Variants in PCDH11X observed in about 807,000 individuals in gnomAD.
PCDH11X encodes protocadherin-11 X-linked.
PCDH11X carries 18 observed loss-of-function variants against 53.3 expected under a neutral mutation model. The observed-to-expected ratio is 0.34, with a 90% CI of 0.23 to 0.50. The LOEUF is 0.50. Ranked by LOEUF, PCDH11X falls within the 20% of genes least tolerant of loss-of-function variation. The probability of loss-of-function intolerance (pLI) is 0.98; values close to 1 mark genes in which losing one functional copy is unlikely to be tolerated. For missense variants in PCDH11X, 570 were observed against 1,032.4 expected (o/e 0.55, Z 6.14); for synonymous variants, 279 against 393.3 (o/e 0.71, Z 3.44).
intron 3 of PCDH11X, 74 bp from the exon 4 acceptor site, chrX:91,811,163 T>C: frequency 9.9e-7 from 1 of 1,005,925 alleles, no homozygotes; most frequent in Non-Finnish European, 1.3e-6. Flanking sequence ...TTCATTTAAG[T>C]TTAAACTGAT....
intron 6 of PCDH11X, among the ~76,000 whole-genome samples, chrX:92,154,603 G>A (rs1275880849): frequency 3.7e-5 from 4 of 108,658 alleles, no homozygotes; most frequent in East Asian, 2.9e-4. Flanking sequence ...ATAAAAACCC[G>A]AGACCCTAGT....
chrX:92,588,237 A>C (rs1460194785), intron 10 of PCDH11X, among the ~76,000 whole-genome samples: 4 of 92,205 alleles, frequency 4.3e-5, no homozygotes, highest in Non-Finnish European at 8.5e-5. Flanking sequence ...AAAAATATAT[A>C]TTTAAAATAA....
Position 92,520,473 on chromosome X carries a change from G to A in PCDH11X, c.3367+52151G>A, listed in dbSNP as rs950544421. On this transcript the variant is annotated intron_variant, in intron 10 of 10. Coordinates refer to ENST00000682573, the MANE Select transcript of PCDH11X (RefSeq NM_032968.5). The stretch of plus-strand genomic sequence containing the variant: ...GTGGTTGCTAAAGGTTGGAGTGGCT[G>A]TGGCATTTTTTTTTTTTTTTTGTAG... Among the ~76,000 whole-genome samples the A allele has an allele frequency of 1.3e-4, 9 of 71,250 alleles. No homozygotes were observed. The East Asian group carries it at 6.4e-3, about 51-fold the overall frequency. 61.9% of individuals were successfully genotyped at this position (71,250 alleles called of 115,157 possible). A position where few individuals can be genotyped will look rare whatever the true frequency, so the allele number is the denominator to read the frequency against.
At chrX:92,308,477 T>TA (rs2068877407) in intron 8 of PCDH11X, among the ~76,000 whole-genome samples, 1 of 111,133 alleles carries the variant, frequency 9.0e-6, no homozygotes, top group South Asian at 3.8e-4. Context: ...ACTCTTACCT[T>TA]ATGCCATATA....
intron 9 of PCDH11X, among the ~76,000 whole-genome samples, chrX:92,410,876 T>C (rs5941085): frequency 0.41 from 40,241 of 98,453 alleles, 7,956 homozygotes; most frequent in African/African-American, 0.57. Context: ...TCAAACGATA[T>C]TGGTCTTCTA....
At chrX:92,281,385 T>C (rs997028450) in intron 8 of PCDH11X, among the ~76,000 whole-genome samples, 1 of 111,842 alleles carries the variant, frequency 8.9e-6, no homozygotes, top group Non-Finnish European at 1.9e-5. Flanking sequence ...TTTATGTGTG[T>C]TCATATACAT....
intron 7 of PCDH11X, among the ~76,000 whole-genome samples, chrX:92,224,680 T>G (rs1391328082): frequency 8.9e-6 from 1 of 112,121 alleles, no homozygotes; most frequent in Non-Finnish European, 1.9e-5. Context: ...GGTAGAGCTC[T>G]CTGAATGTCT....
At chrX:92,241,612 A>T in intron 7 of PCDH11X, among the ~76,000 whole-genome samples, 1 of 112,026 alleles carries the variant, frequency 8.9e-6, no homozygotes, top group Middle Eastern at 4.6e-3. Flanking sequence ...ATCATTTGTT[A>T]AAACTGTAAA....
chrX:91,896,515 C>T (rs1940759948), intron 6 of PCDH11X, among the ~76,000 whole-genome samples: 1 of 92,234 alleles, frequency 1.1e-5, no homozygotes, highest in Non-Finnish European at 2.1e-5. Flanking sequence ...TACCTATAAT[C>T]TTTATGAGAT....
At chrX:91,868,014 C>A (rs1939086065) in intron 5 of PCDH11X, among the ~76,000 whole-genome samples, 1 of 111,091 alleles carries the variant, frequency 9.0e-6, no homozygotes, top group Non-Finnish European at 1.9e-5. Flanking sequence ...CATCCTACTT[C>A]TCAAAAACCA....
intron 6 of PCDH11X, among the ~76,000 whole-genome samples, chrX:91,932,701 C>CGT (rs1429913182): frequency 4.4e-4 from 38 of 87,350 alleles, no homozygotes; most frequent in African/African-American, 1.7e-3. Context: ...TGTGTGTGTG[C>CGT]GCGCGCGCGC....
intron 6 of PCDH11X, among the ~76,000 whole-genome samples, chrX:92,172,620 G>T (rs952681755): frequency 1.8e-5 from 2 of 110,942 alleles, no homozygotes; most frequent in Non-Finnish European, 3.8e-5. Flanking sequence ...AGATTCAGTG[G>T]AAAGGAAGCA....
chrX:91,903,755 T>G (rs1966354), intron 6 of PCDH11X, among the ~76,000 whole-genome samples: 19,617 of 107,279 alleles, frequency 0.18, 1,959 homozygotes, highest in Admixed American at 0.46. Flanking sequence ...TAATTAAAAA[T>G]TATAATGAAA....
intron 6 of PCDH11X, among the ~76,000 whole-genome samples, chrX:92,030,948 G>T (rs1389356924): frequency 9.4e-6 from 1 of 106,649 alleles, no homozygotes; most frequent in Non-Finnish European, 1.9e-5. Context: ...AACAAACATG[G>T]GGGTGCAGAT....
intron 8 of PCDH11X, among the ~76,000 whole-genome samples, chrX:92,297,587 C>A (rs1320593060): frequency 9.0e-6 from 1 of 111,159 alleles, no homozygotes; most frequent in Non-Finnish European, 1.9e-5. Flanking sequence ...TAATGTGATG[C>A]ATCCAGCTTT....
intron 6 of PCDH11X, among the ~76,000 whole-genome samples, chrX:91,945,146 G>A (rs1318941035): frequency 9.7e-6 from 1 of 102,820 alleles, no homozygotes; most frequent in Non-Finnish European, 2.0e-5. Context: ...TTGTTCCTAT[G>A]GAAATTAATC....
intron 10 of PCDH11X, among the ~76,000 whole-genome samples, chrX:92,559,967 A>G (rs972690533): frequency 3.6e-5 from 4 of 111,594 alleles, no homozygotes; most frequent in African/African-American, 1.3e-4. Flanking sequence ...GGCAGACACC[A>G]GCTGGGGCAG....
At chrX:92,115,534 C>T (rs900816012) in intron 6 of PCDH11X, among the ~76,000 whole-genome samples, 2 of 110,318 alleles carry the variant, frequency 1.8e-5, no homozygotes, top group Non-Finnish European at 3.8e-5. Flanking sequence ...TGAAGTCCCA[C>T]GATAGACTGT....
chrX:92,255,909 G>A, intron 7 of PCDH11X, among the ~76,000 whole-genome samples: 1 of 112,604 alleles, frequency 8.9e-6, no homozygotes, highest in Non-Finnish European at 1.9e-5. Flanking sequence ...CCTGCCCCCA[G>A]AGGTGGAGCC....
Sources: allele counts gnomAD v4.1 joint callset (sites outside exome capture counted in the v4.1 genomes callset), GRCh38; gene constraint gnomAD v4.1.1; transcripts MANE v1.5; gene names NCBI Gene and HGNC (gene_info 2026-07-23, HGNC 2026-07-21).